UBAC2: variants seen among roughly 807,000 people sequenced by gnomAD.
UBAC2 encodes the protein ubiquitin-associated domain-containing protein 2.
Under a neutral mutation model 44.0 loss-of-function variants are expected in UBAC2, and 26 were observed. The ratio of observed to expected loss-of-function variants is 0.59; its 90% confidence interval spans 0.43 to 0.82. UBAC2 has a LOEUF of 0.82. Among genes scored for constraint, UBAC2 ranks in the 40% least tolerant of loss-of-function variants. UBAC2 has a pLI of 0.00. For missense variants in UBAC2, 329 were observed against 419.4 expected (o/e 0.78, Z 1.88); for synonymous variants, 155 against 154.3 (o/e 1.00, Z -0.04).
intron 6 of UBAC2, among the ~76,000 whole-genome samples, chr13:99,325,293 C>T (rs942303018): frequency 6.6e-6 from 1 of 151,892 alleles, no homozygotes; most frequent in East Asian, 1.9e-4. Context: ...TTTGTAGAGA[C>T]GGGGTTTCAC....
chr13:99,278,561 G>A (rs1016534333), intron 4 of UBAC2, among the ~76,000 whole-genome samples: 2 of 152,024 alleles, frequency 1.3e-5, no homozygotes, highest in African/African-American at 2.4e-5. Context: ...AATCATCATA[G>A]CTTGAAAAAT....
At chr13:99,277,805 C>T (rs57546006) in intron 4 of UBAC2, among the ~76,000 whole-genome samples, 1,635 of 149,584 alleles carry the variant, frequency 0.011, 32 homozygotes, top group African/African-American at 0.039. Flanking sequence ...TGCCCCATCC[C>T]CTCTGTCACC....
At chr13:99,254,165 GT>G (rs1326716008) in intron 4 of UBAC2, among the ~76,000 whole-genome samples, 1 of 151,194 alleles carries the variant, frequency 6.6e-6, no homozygotes, top group Non-Finnish European at 1.5e-5. Context: ...AGAGCAAACT[GT>G]TTGTATTGGA....
intron 4 of UBAC2, among the ~76,000 whole-genome samples, chr13:99,303,302 A>G (rs2138737103): frequency 6.6e-6 from 1 of 152,362 alleles, no homozygotes; most frequent in Middle Eastern, 3.4e-3. Context: ...TGTGCAGCAA[A>G]GACCCACTTC....
At chr13:99,352,992 G>GC (rs1300734461) in intron 7 of UBAC2, among the ~76,000 whole-genome samples, 1 of 152,224 alleles carries the variant, frequency 6.6e-6, no homozygotes, top group Non-Finnish European at 1.5e-5. Flanking sequence ...GAGACAGCAA[G>GC]CTGGCACGTG....
At chr13:99,361,259 C>T (rs534711136) in intron 7 of UBAC2, among the ~76,000 whole-genome samples, 1 of 152,160 alleles carries the variant, frequency 6.6e-6, no homozygotes, top group Non-Finnish European at 1.5e-5. Context: ...TCCTTCTTCA[C>T]TTTTAAAATA....
intron 7 of UBAC2, among the ~76,000 whole-genome samples, chr13:99,347,645 A>G (rs1412455090): frequency 6.6e-6 from 1 of 151,930 alleles, no homozygotes; most frequent in Non-Finnish European, 1.5e-5. Context: ...AACAGTGACC[A>G]GGGTGATGGC....
chr13:99,255,123 G>A, intron 4 of UBAC2: 1 of 1,614,174 alleles, frequency 6.2e-7, no homozygotes, highest in South Asian at 1.1e-5. Flanking sequence ...AAGCGAAACA[G>A]ATGTGGAAGG....
At chr13:99,320,861 C>G (rs1357116215) in intron 6 of UBAC2, among the ~76,000 whole-genome samples, 1 of 152,218 alleles carries the variant, frequency 6.6e-6, no homozygotes, top group African/African-American at 2.4e-5. Flanking sequence ...TCTGCCTATT[C>G]CAGATGTCTC....
chr13:99,243,010 G>A (rs9554576), intron 2 of UBAC2, among the ~76,000 whole-genome samples: 26,011 of 151,682 alleles, frequency 0.17, 2,446 homozygotes, highest in Middle Eastern at 0.23. Context: ...GGGCAGAGAC[G>A]CTCCTCACTT....
At chr13:99,357,526 A>G (rs1209960794) in intron 7 of UBAC2, among the ~76,000 whole-genome samples, 1 of 152,228 alleles carries the variant, frequency 6.6e-6, no homozygotes, top group Non-Finnish European at 1.5e-5. Context: ...TAGAAGGCAA[A>G]TGAGTAAAAC....
At chr13:99,368,047 C>T (rs2045354991) in intron 8 of UBAC2, 141 bp downstream of exon 8, 5 of 1,041,162 alleles carry the variant, frequency 4.8e-6, no homozygotes, top group Admixed American at 6.3e-5. Context: ...ATGATAGAGA[C>T]TTTGGGCTTT....
intron 6 of UBAC2, among the ~76,000 whole-genome samples, chr13:99,329,287 T>C (rs1449369811): frequency 6.6e-5 from 10 of 152,222 alleles, no homozygotes; most frequent in Admixed American, 6.5e-4. Flanking sequence ...CACTGACTTT[T>C]AATATACACT....
At chr13:99,333,955 TA>T (rs1175759611) in intron 6 of UBAC2, among the ~76,000 whole-genome samples, 1 of 152,016 alleles carries the variant, frequency 6.6e-6, no homozygotes, top group African/African-American at 2.4e-5. Context: ...AAACCTGATT[TA>T]AAAAAAATTA....
At chr13:99,356,361 A>G in intron 7 of UBAC2, 2 of 357,698 alleles carry the variant, frequency 5.6e-6, no homozygotes, top group Admixed American at 5.3e-5. Context: ...CAGAGGAAGA[A>G]GAGACGGGGC....
intron 4 of UBAC2, among the ~76,000 whole-genome samples, chr13:99,282,227 G>GA (rs1010717116): frequency 6.6e-6 from 1 of 151,862 alleles, no homozygotes; most frequent in African/African-American, 2.4e-5. Context: ...ATGACACTTG[G>GA]GGGGCAAAAT....
intron 4 of UBAC2, among the ~76,000 whole-genome samples, chr13:99,273,973 T>G (rs1464793157): frequency 2.6e-5 from 4 of 152,008 alleles, no homozygotes; most frequent in Non-Finnish European, 4.4e-5. Flanking sequence ...AAATAAATTT[T>G]TATTGAGGTA....
At chr13:99,320,698 A>G (rs2044556265) in intron 6 of UBAC2, among the ~76,000 whole-genome samples, 2 of 152,216 alleles carry the variant, frequency 1.3e-5, no homozygotes, top group African/African-American at 4.8e-5. Context: ...TTCTTTGTCT[A>G]GAAAATTCTC....
intron 1 of UBAC2, among the ~76,000 whole-genome samples, chr13:99,221,651 A>G (rs1012270987): frequency 2.0e-5 from 3 of 152,134 alleles, no homozygotes; most frequent in African/African-American, 7.2e-5. Context: ...TAGACCATTG[A>G]GGATGGAAGC....
Sources: allele counts gnomAD v4.1 joint callset (sites outside exome capture counted in the v4.1 genomes callset), GRCh38; gene constraint gnomAD v4.1.1; transcripts MANE v1.5; gene names NCBI Gene and HGNC (gene_info 2026-07-23, HGNC 2026-07-21).